The following AXDND1 variants were observed in gnomAD, a reference collection of about 807,000 sequenced individuals.
AXDND1 encodes the protein axonemal dynein light chain domain containing 1.
AXDND1 carries 110 observed loss-of-function variants against 137.5 expected under a neutral mutation model. The observed-to-expected ratio is 0.80, with a 90% confidence interval of 0.69 to 0.94. AXDND1 has a LOEUF of 0.94. Among genes scored for constraint, AXDND1 ranks in the 40% least tolerant of loss-of-function variants. The probability of loss-of-function intolerance (pLI) is 0.00; values close to 1 mark genes in which losing one functional copy is unlikely to be tolerated. For synonymous variants in AXDND1, 414 were observed against 399.7 expected, an observed-to-expected ratio of 1.04 and a Z score of -0.43; for missense variants, 1,191 against 1,169.8, an observed-to-expected ratio of 1.02 and a Z score of -0.26.
intron 20 of AXDND1, among the ~76,000 whole-genome samples, chr1:179,498,647 C>T (rs1333068367): frequency 6.6e-6 from 1 of 152,014 alleles, no homozygotes. Context: ...AGAAAACCTC[C>T]AGAATAGGGG....
chr1:179,553,802 A>G (rs545828705), intron 25 of AXDND1, among the ~76,000 whole-genome samples: 20 of 152,234 alleles, frequency 1.3e-4, no homozygotes, highest in Admixed American at 1.3e-3. Flanking sequence ...GCTGGAGTGC[A>G]ATGCACAATC....
intron 4 of AXDND1, among the ~76,000 whole-genome samples, chr1:179,374,506 C>T (rs760707020): frequency 6.6e-6 from 1 of 152,122 alleles, no homozygotes; most frequent in South Asian, 2.1e-4. Context: ...CATCATGCTA[C>T]TATAAAGACA....
intron 21 of AXDND1, among the ~76,000 whole-genome samples, chr1:179,516,047 A>G (rs888104316): frequency 6.6e-6 from 1 of 152,270 alleles, no homozygotes; most frequent in East Asian, 1.9e-4. Flanking sequence ...GTGGTGGGCT[A>G]TACCCTCCAT....
chr1:179,378,213 T>G (rs1005201933), intron 4 of AXDND1, among the ~76,000 whole-genome samples: 4 of 151,968 alleles, frequency 2.6e-5, no homozygotes, highest in Admixed American at 6.6e-5. Context: ...ATGACAGCAA[T>G]ACATGTTCAA....
chr1:179,458,233 T>C (rs1248013477), intron 16 of AXDND1, among the ~76,000 whole-genome samples: 2 of 152,176 alleles, frequency 1.3e-5, no homozygotes, highest in African/African-American at 4.8e-5. Context: ...TTCACCCACC[T>C]TGGCCTCCCA....
At chr1:179,519,595 T>G (rs1255715712) in intron 21 of AXDND1, among the ~76,000 whole-genome samples, 1 of 152,224 alleles carries the variant, frequency 6.6e-6, no homozygotes, top group African/African-American at 2.4e-5. Context: ...CAGTTTCAGT[T>G]TTCTCCATAT....
chr1:179,517,208 A>G (rs1439326900), intron 21 of AXDND1, among the ~76,000 whole-genome samples: 1 of 152,122 alleles, frequency 6.6e-6, no homozygotes, highest in Non-Finnish European at 1.5e-5. Context: ...CTGCTGAGTC[A>G]TGCAGGTTGT....
intron 24 of AXDND1, 37 bp from the exon 25 acceptor site, chr1:179,534,693 C>A: frequency 6.5e-7 from 1 of 1,536,532 alleles, no homozygotes; most frequent in Non-Finnish European, 8.7e-7. Flanking sequence ...ACTTTTTCAA[C>A]CCTTTCTATT....
At chr1:179,509,683 G>A (rs1046128716) in intron 21 of AXDND1, among the ~76,000 whole-genome samples, 15 of 152,118 alleles carry the variant, frequency 9.9e-5, no homozygotes, top group African/African-American at 3.6e-4. Flanking sequence ...CATATCCTCA[G>A]GTTCATCTGC....
chr1:179,422,396 C>G (rs1370757124), intron 12 of AXDND1, among the ~76,000 whole-genome samples: 1 of 152,164 alleles, frequency 6.6e-6, no homozygotes. Flanking sequence ...GACCATTGGT[C>G]ATTCCATAAA....
At chr1:179,375,125 A>G (rs1668460174) in intron 4 of AXDND1, among the ~76,000 whole-genome samples, 1 of 151,838 alleles carries the variant, frequency 6.6e-6, no homozygotes, top group Admixed American at 6.6e-5. Flanking sequence ...TTAAGATGGA[A>G]TCTTGCTCTG....
At chr1:179,401,129 A>G (rs1651965575) in intron 11 of AXDND1, among the ~76,000 whole-genome samples, 1 of 150,006 alleles carries the variant, frequency 6.7e-6, no homozygotes, top group Non-Finnish European at 1.5e-5. Context: ...GTGGTGCCAC[A>G]TGCCTGTAAT....
intron 23 of AXDND1, chr1:179,533,185 T>C (rs1416159240): frequency 6.6e-6 from 1 of 152,208 alleles, no homozygotes; most frequent in African/African-American, 2.4e-5. Context: ...TGGGAAAATG[T>C]TAATATTCAA....
rs185950015 is a variant in AXDND1, at chr1:179,417,000, G to T, written c.1230+5734G>T. Among the ~76,000 whole-genome samples, 321 of 152,224 alleles carry T rather than the reference G, an allele frequency of 2.1e-3. 1 individual carries two copies. The highest frequency in any genetic ancestry group is 6.8e-3 in the African/African-American group (282 of 41,540). ...TTTCTCCACATCTTTGCAAGCATCT[G>T]TATTGCCTGTTTTTTGATACAATCC... On this transcript the variant is annotated intron_variant, in intron 12 of 25. Transcript: ENST00000367618.
intron 15 of AXDND1, among the ~76,000 whole-genome samples, chr1:179,436,630 A>T (rs1658191182): frequency 6.6e-6 from 1 of 152,172 alleles, no homozygotes; most frequent in Non-Finnish European, 1.5e-5. Context: ...CATAACTGGG[A>T]GTTGAACAAT....
intron 12 of AXDND1, among the ~76,000 whole-genome samples, chr1:179,419,210 G>C (rs989259732): frequency 1.3e-5 from 2 of 151,920 alleles, no homozygotes; most frequent in East Asian, 2.0e-4. Flanking sequence ...CTTCCCAGAC[G>C]GGGTGGCAGC....
chr1:179,401,593 C>T (rs1335819314), intron 11 of AXDND1, among the ~76,000 whole-genome samples: 3 of 151,904 alleles, frequency 2.0e-5, no homozygotes, highest in Non-Finnish European at 2.9e-5. Flanking sequence ...GGCTGTGTCC[C>T]CACCCAAATA....
At chr1:179,500,200 A>C (rs1426041131) in intron 20 of AXDND1, among the ~76,000 whole-genome samples, 1 of 152,022 alleles carries the variant, frequency 6.6e-6, no homozygotes, top group Non-Finnish European at 1.5e-5. Context: ...TGAACATGTT[A>C]ATTTTGTTCT....
intron 16 of AXDND1, among the ~76,000 whole-genome samples, chr1:179,464,828 TC>T (rs1662892598): frequency 6.6e-6 from 1 of 152,200 alleles, no homozygotes. Context: ...TACTCTTTTT[TC>T]TCTAAACTTC....
Sources: gnomAD v4.1 joint callset for allele counts (sites outside exome capture counted in the v4.1 genomes callset) on GRCh38, gnomAD v4.1.1 for gene constraint, MANE v1.5 for transcripts, NCBI Gene and HGNC (gene_info 2026-07-23, HGNC 2026-07-21) for gene names.